The following CLDN15 variants were observed in gnomAD, a reference collection of about 807,000 sequenced individuals.
CLDN15 encodes claudin-15.
A neutral mutation model predicts 24.5 loss-of-function variants in CLDN15; 9 were observed. That is an observed-to-expected ratio of 0.37 (90% CI 0.22 to 0.64). CLDN15 has a LOEUF of 0.64. Among genes scored for constraint, CLDN15 ranks in the 30% least tolerant of loss-of-function variants. The probability of loss-of-function intolerance (pLI) is 0.63; values close to 1 mark genes in which losing one functional copy is unlikely to be tolerated. For missense variants in CLDN15, 248 were observed against 305.9 expected (o/e 0.81, Z 1.41); for synonymous variants, 149 against 131.4 (o/e 1.13, Z -0.92).
intron 1 of CLDN15, 34 bp from the exon 2 acceptor site, chr7:101,234,476 C>G (rs1418618319): frequency 3.2e-6 from 5 of 1,549,780 alleles, no homozygotes; most frequent in Non-Finnish European, 4.4e-6. Context: ...CCTTTCCCAT[C>G]TCCCCTCTGC....
At chr7:101,234,905 T>C (rs558188281) in intron 1 of CLDN15, among the ~76,000 whole-genome samples, 17 of 152,162 alleles carry the variant, frequency 1.1e-4, no homozygotes, top group Admixed American at 2.6e-4. Context: ...GATTACAGGC[T>C]TTCTCCTGGG....
At chr7:101,235,060 G>A (rs1043127064) in intron 1 of CLDN15, among the ~76,000 whole-genome samples, 3 of 152,122 alleles carry the variant, frequency 2.0e-5, no homozygotes, top group Non-Finnish European at 2.9e-5. Flanking sequence ...GTGCAAAGTC[G>A]CCCGGCTGAG....
intron 1 of CLDN15, among the ~76,000 whole-genome samples, chr7:101,235,854 C>T (rs543213920): frequency 5.9e-5 from 9 of 152,192 alleles, no homozygotes; most frequent in East Asian, 1.9e-4. Flanking sequence ...CTGGGGTGCA[C>T]GGTTGGGAGA....
chr7:101,238,712 C>T (rs1798682316), upstream of CLDN15: 1 of 152,294 alleles, frequency 6.6e-6, no homozygotes. Context: ...GAGCGTGATC[C>T]TGTGGCTAAG....
intron 1 of CLDN15, among the ~76,000 whole-genome samples, chr7:101,236,252 G>GT (rs1020734426): frequency 4.2e-4 from 63 of 150,508 alleles, no homozygotes; most frequent in South Asian, 6.3e-4. Context: ...CTTTTATAGG[G>GT]TTTTTTTTGG....
At position 101,237,219 on chromosome 7, in the gene CLDN15, G is replaced by A. The variant is rs1039696789; in HGVS notation, c.217+146C>T. 2.7e-4 allele frequency: 179 copies of A among 661,800 alleles called. No individual in the cohort carries two copies. Among genetic ancestry groups the A allele is most frequent in the African/African-American group, 5.8e-4 (32 of 55,246 alleles). The allele number at this position is 661,800 out of a possible 1,614,324, so 41.0% of individuals were successfully genotyped here. On this transcript the variant is annotated intron_variant, in intron 1 of 4. Transcript: ENST00000308344. The surrounding 1 kb of genome is among the most constrained non-coding windows in gnomAD (Gnocchi z 4.0). ...TTCACTCCAGTTCTAGGCATGGGCC[G>A]CCCCCAGCACTCCTGGCTGCGGGAA...
Position 101,237,269 on chromosome 7 carries a change from G to A in CLDN15, c.217+96C>T. On this transcript the variant is annotated intron_variant, in intron 1 of 4. Transcript: ENST00000308344. This position sits in a 1 kb window ranked among gnomAD's most constrained non-coding sequence, Gnocchi z 4.0. The stretch of plus-strand genomic sequence containing the variant: ...ACTCAGACCCGCAGAGCTTAATTCA[G>A]GGCTCCCTGCATCCTCACGGAAGTA... 2 of 830,838 alleles carry A rather than the reference G, an allele frequency of 2.4e-6. No homozygotes were observed. The highest frequency in any genetic ancestry group is 4.0e-6 in the Non-Finnish European group (2 of 496,252). 51.5% of individuals were successfully genotyped at this position (830,838 alleles called of 1,614,324 possible).
At position 101,234,292 on chromosome 7, in the gene CLDN15, A is replaced by G. The variant is rs1327968506; in HGVS notation, c.368T>C (p.Leu123Pro). 6.2e-7 allele frequency: 1 copy of G among 1,607,370 alleles called. No homozygotes were observed. The highest frequency in any genetic ancestry group is 1.1e-5 in the South Asian group (1 of 91,056). Residue 123 changes from leucine to proline, a missense_variant, in exon 2 of 5, where the codon CTC becomes CCC. Physicochemically the swap from Leu to Pro is moderately conservative, Grantham distance 98. Coordinates refer to ENST00000308344, the MANE Select transcript of CLDN15 (RefSeq NM_014343.3). ...KAKLAATAGALHILAGICGMV... is the reference protein window; with the variant it reads ...KAKLAATAGAPHILAGICGMV... ...CCCCCAGTTACCGGCCAGAATGTGG[A>G]GGGCCCCTGCGGTGGCCGCCAGCTT...
At chr7:101,233,764 ATTTTTTTTTTTTT>A (rs746861741) in intron 2 of CLDN15, 95 of 88,548 alleles carry the variant, frequency 1.1e-3, no homozygotes, top group African/African-American at 2.6e-3. Flanking sequence ...CGCCTGGCTA[ATTTTTTTTTTTTT>A]TTTTTTTTTT....
chr7:101,236,072 C>G (rs1418445280), intron 1 of CLDN15, among the ~76,000 whole-genome samples: 2 of 152,182 alleles, frequency 1.3e-5, no homozygotes, highest in Non-Finnish European at 2.9e-5. Flanking sequence ...CCTGGGGACT[C>G]TGGCACCATC....
intron 1 of CLDN15, among the ~76,000 whole-genome samples, chr7:101,235,740 C>T (rs572033933): frequency 2.2e-4 from 33 of 152,206 alleles, no homozygotes; most frequent in Admixed American, 1.3e-3. Context: ...TCCTCCCAGC[C>T]ACTCCCTCTG....
rs1798519649 is a variant in CLDN15, at chr7:101,232,465, G to A, written c.632C>T (p.Ser211Leu). 3.1e-6 allele frequency: 5 copies of A among 1,613,390 alleles called. No individual in the cohort carries two copies. Among genetic ancestry groups the A allele is most frequent in the Non-Finnish European group, 4.2e-6 (5 of 1,179,630 alleles). Residue 211 changes from serine (S) to leucine (L), a missense_variant, in exon 5 of 5, where the codon TCG (serine) becomes TTG (leucine). Ser to Leu is a moderately radical substitution (Grantham distance 145). Coordinates refer to ENST00000308344, the MANE Select transcript of CLDN15 (RefSeq NM_014343.3). ...APVSVMPVAT[S>L]DQEGDSSFGK... is the part of the protein sequence containing the mutation. ...AAAGCTGCTGTCGCCTTCTTGGTCCGAGGTGGCGACGGGCATCACGGACAC... is the reference window on the plus strand; with the variant it reads ...AAAGCTGCTGTCGCCTTCTTGGTCCAAGGTGGCGACGGGCATCACGGACAC...
chr7:101,234,176 G>A (rs2116836553), intron 2 of CLDN15, 102 bp downstream of exon 2: 3 of 953,380 alleles, frequency 3.1e-6, no homozygotes, highest in Non-Finnish European at 5.1e-6. Context: ...TAGGGGAGGT[G>A]AGCATGAGGA....
chr7:101,234,461 G>A lies in CLDN15; in HGVS notation c.218-19C>T, dbSNP rs1245630449. ...ATATACCCTGGGGGTGGGCACAGTT[G>A]TCAGCCTTTCCCATCTCCCCTCTGC... On this transcript the variant is annotated intron_variant, in intron 1 of 4. Transcript: ENST00000308344. 5 of 1,590,456 alleles carry A rather than the reference G, an allele frequency of 3.1e-6. No individual in the cohort carries two copies. In the South Asian group the frequency reaches 5.5e-5, roughly 18 times the overall value.
In CLDN15 at chr7:101,232,400, G is replaced by C. The variant is rs983279052; in HGVS notation, c.*10C>G. The C allele has an allele frequency of 8.1e-6, 13 of 1,595,658 alleles. No homozygotes were observed. The highest frequency in any genetic ancestry group is 1.1e-5 in the South Asian group (1 of 90,594). ...AGTGGGAAGACAGCGGGGCCCACGGGCCAGAGCTGCTACACGTAGGCGTTT... is the reference window on the plus strand; with the variant it reads ...AGTGGGAAGACAGCGGGGCCCACGGCCCAGAGCTGCTACACGTAGGCGTTT... On this transcript the variant is annotated 3_prime_UTR_variant, in exon 5 of 5. Transcript: ENST00000308344.
In CLDN15 at chr7:101,237,622, G is replaced by C. The variant is rs771717911; in HGVS notation, c.-41C>G. 1.2e-5 allele frequency: 17 copies of C among 1,476,216 alleles called. No individual in the cohort carries two copies. Among genetic ancestry groups the C allele is most frequent in the Non-Finnish European group, 1.6e-5 (17 of 1,056,916 alleles). The allele number at this position is 1,476,216 out of a possible 1,614,324, so 91.4% of individuals were successfully genotyped here. A position where few individuals can be genotyped will look rare whatever the true frequency, so the allele number is the denominator to read the frequency against. ...CCTGGGGGGCTGGTGCCCCAGAGAG[G>C]GGGAGGGGCAGAACCCCTAGGGAAC... On this transcript the variant is annotated 5_prime_UTR_variant, in exon 1 of 5. Coordinates refer to ENST00000308344, the MANE Select transcript of CLDN15 (RefSeq NM_014343.3). The surrounding 1 kb of genome is among the most constrained non-coding windows in gnomAD (Gnocchi z 4.0).
chr7:101,236,745 A>G lies in CLDN15; in HGVS notation c.217+620T>C, dbSNP rs1265828375. ...AGACACTGTCCTGGAAGCCCCACAC[A>G]CCTGCACACACACCGCCTCCTTACA... On this transcript the variant is annotated intron_variant, in intron 1 of 4. Coordinates refer to ENST00000308344, the MANE Select transcript of CLDN15 (RefSeq NM_014343.3). 4 of 1,291,178 alleles carry G rather than the reference A, an allele frequency of 3.1e-6. No individual in the cohort carries two copies. In the Admixed American group the frequency reaches 6.9e-5, roughly 22 times the overall value. 80.0% of individuals were successfully genotyped at this position (1,291,178 alleles called of 1,614,324 possible). A position where few individuals can be genotyped will look rare whatever the true frequency, so the allele number is the denominator to read the frequency against.
intron 2 of CLDN15, among the ~76,000 whole-genome samples, chr7:101,233,504 AATGGCC>A: frequency 6.6e-6 from 1 of 152,340 alleles, no homozygotes; most frequent in East Asian, 1.9e-4. Flanking sequence ...ATTGAAAAGC[AATGGCC>A]AGATGGCATT....
chr7:101,238,130 GC>G (rs1029452085), upstream of CLDN15: 3 of 183,510 alleles, frequency 1.6e-5, no homozygotes, highest in African/African-American at 7.0e-5. Context: ...ATGAACAGCA[GC>G]CTTCAGTGGT....
Sources: allele counts gnomAD v4.1 joint callset (sites outside exome capture counted in the v4.1 genomes callset), GRCh38; gene constraint gnomAD v4.1.1; non-coding constraint Gnocchi (gnomAD v3.1); transcripts MANE v1.5; gene names NCBI Gene and HGNC (gene_info 2026-07-23, HGNC 2026-07-21).